Variants in SLC25A26 observed in about 807,000 individuals in gnomAD.
SLC25A26 encodes solute carrier family 25 member 26.
A neutral mutation model predicts 37.8 loss-of-function variants in SLC25A26; 36 were observed. The observed-to-expected ratio is 0.95, with a 90% confidence interval of 0.73 to 1.26. The LOEUF (loss-of-function observed/expected upper bound fraction) is 1.26. Among genes scored for constraint, SLC25A26 ranks in the 50% most tolerant of loss-of-function variants. The pLI is 0.00. For synonymous variants in SLC25A26, 129 were observed against 122.5 expected (o/e 1.05, Z -0.35); for missense variants, 390 against 331.1 (o/e 1.18, Z -1.38).
chr3:66,369,066 A>T (rs1700199756), intron 7 of SLC25A26, among the ~76,000 whole-genome samples: 1 of 120,022 alleles, frequency 8.3e-6, no homozygotes, highest in African/African-American at 3.4e-5. Context: ...AAAAAAACAA[A>T]AGACAGTGGC....
intron 9 of SLC25A26, among the ~76,000 whole-genome samples, chr3:66,376,613 TG>T (rs1321354774): frequency 1.3e-5 from 2 of 152,242 alleles, no homozygotes; most frequent in African/African-American, 4.8e-5. Flanking sequence ...CTTAATAGAC[TG>T]TAGTAGAAAC....
chr3:66,268,609 G>T (rs957960055), intron 5 of SLC25A26, among the ~76,000 whole-genome samples: 2 of 152,190 alleles, frequency 1.3e-5, no homozygotes, highest in African/African-American at 4.8e-5. Context: ...CACACAGTAC[G>T]TGCTCAGGAA....
intron 1 of SLC25A26, among the ~76,000 whole-genome samples, chr3:66,182,876 G>C (rs1207736448): frequency 6.6e-6 from 1 of 152,090 alleles, no homozygotes; most frequent in Non-Finnish European, 1.5e-5. Context: ...GGAGGCATTT[G>C]GAACACAAAA....
chr3:66,275,898 C>T (rs977176156), intron 5 of SLC25A26, among the ~76,000 whole-genome samples: 7 of 151,894 alleles, frequency 4.6e-5, no homozygotes, highest in African/African-American at 1.5e-4. Context: ...CAGTGAATAC[C>T]GTGTGGGTCA....
chr3:66,280,784 C>T (rs1433259923), intron 5 of SLC25A26, among the ~76,000 whole-genome samples: 1 of 152,142 alleles, frequency 6.6e-6, no homozygotes, highest in South Asian at 2.1e-4. Flanking sequence ...CTGCTCTGCT[C>T]CTCTTTCTTC....
chr3:66,236,516 C>A, intron 1 of SLC25A26, 28 bp from the exon 2 acceptor site: 2 of 1,396,534 alleles, frequency 1.4e-6, no homozygotes, highest in South Asian at 1.6e-5. Context: ...TTTTTTTTTT[C>A]TTTTTCTTCC....
At chr3:66,181,382 A>G (rs1484122729) in intron 1 of SLC25A26, among the ~76,000 whole-genome samples, 4 of 152,212 alleles carry the variant, frequency 2.6e-5, no homozygotes, top group African/African-American at 4.8e-5. Flanking sequence ...GAGAGTAACA[A>G]TAACAGCTTA....
intron 5 of SLC25A26, among the ~76,000 whole-genome samples, chr3:66,307,495 C>G (rs1084534): frequency 0.25 from 38,049 of 152,084 alleles, 8,441 homozygotes; most frequent in African/African-American, 0.6. Context: ...TGTGCAGAAG[C>G]TCTTTAGTTT....
chr3:66,235,251 G>C (rs2072219598), intron 1 of SLC25A26, among the ~76,000 whole-genome samples: 2 of 151,974 alleles, frequency 1.3e-5, no homozygotes, highest in Admixed American at 1.3e-4. Context: ...TGTTTTCTTT[G>C]ACTAAGGTGT....
intron 5 of SLC25A26, among the ~76,000 whole-genome samples, chr3:66,281,371 C>T (rs1446327564): frequency 6.6e-6 from 1 of 152,114 alleles, no homozygotes; most frequent in African/African-American, 2.4e-5. Context: ...AGTGATTATC[C>T]CATTCCCCAA....
chr3:66,172,531 C>T (rs994405900), intron 1 of SLC25A26, among the ~76,000 whole-genome samples: 4 of 151,524 alleles, frequency 2.6e-5, no homozygotes, highest in Non-Finnish European at 5.9e-5. Flanking sequence ...CAAGACTGGT[C>T]GGGGCTGTAT....
chr3:66,274,385 C>A (rs1414909783), intron 5 of SLC25A26, among the ~76,000 whole-genome samples: 9 of 151,442 alleles, frequency 5.9e-5, no homozygotes, highest in Non-Finnish European at 1.2e-4. Flanking sequence ...GCAACAAAAG[C>A]CAAAATTGAC....
rs75598619 is a variant in SLC25A26 at position 66,365,098 on chromosome 3, A to G, written c.568+2169A>G. ...AGTGAGATTCTGTAAGAGTTGCAAC[A>G]TGGTGCCTTACAGCATATAGAGATG... On this transcript the variant is annotated intron_variant, in intron 7 of 9. Transcript: ENST00000354883. Among the ~76,000 whole-genome samples the G allele has an allele frequency of 6.5e-3, 985 of 152,354 alleles. 10 individuals carry two copies. The highest frequency in any genetic ancestry group is 0.022 in the African/African-American group (895 of 41,590).
At chr3:66,208,581 G>A (rs1559577005) in intron 1 of SLC25A26, among the ~76,000 whole-genome samples, 3 of 148,936 alleles carry the variant, frequency 2.0e-5, no homozygotes, top group South Asian at 2.1e-4. Context: ...TGCTTCTTTC[G>A]CCTATTTAAT....
At chr3:66,200,871 A>G (rs2071099614) in intron 1 of SLC25A26, among the ~76,000 whole-genome samples, 1 of 152,226 alleles carries the variant, frequency 6.6e-6, no homozygotes, top group Non-Finnish European at 1.5e-5. Flanking sequence ...ATGCCACTGA[A>G]CTAAACAAGC....
chr3:66,175,098 T>C (rs1385466259), intron 1 of SLC25A26, among the ~76,000 whole-genome samples: 3 of 81,024 alleles, frequency 3.7e-5, no homozygotes, highest in Non-Finnish European at 7.4e-5. Flanking sequence ...TGTATATGTA[T>C]ATGTGTGTGT....
intron 5 of SLC25A26, among the ~76,000 whole-genome samples, chr3:66,295,558 A>G (rs2074872896): frequency 6.6e-6 from 1 of 151,860 alleles, no homozygotes; most frequent in African/African-American, 2.4e-5. Flanking sequence ...CCCACCACCA[A>G]GCCCAGCTAA....
chr3:66,273,685 C>G (rs1463815181), intron 5 of SLC25A26, among the ~76,000 whole-genome samples: 1 of 152,120 alleles, frequency 6.6e-6, no homozygotes, highest in Non-Finnish European at 1.5e-5. Context: ...AGGAATCTAG[C>G]TTACAAGGGA....
intron 6 of SLC25A26, among the ~76,000 whole-genome samples, chr3:66,347,350 G>A (rs574198460): frequency 3.3e-5 from 5 of 152,326 alleles, no homozygotes; most frequent in Non-Finnish European, 7.3e-5. Context: ...AGACTTTCAT[G>A]CAGGCAACAA....
Sources: gnomAD v4.1 joint callset for allele counts (sites outside exome capture counted in the v4.1 genomes callset) on GRCh38, gnomAD v4.1.1 for gene constraint, MANE v1.5 for transcripts, NCBI Gene and HGNC (gene_info 2026-07-23, HGNC 2026-07-21) for gene names.